Variants in WDR19 observed in about 807,000 individuals in gnomAD.
WDR19 encodes WD repeat-containing protein 19.
A neutral mutation model predicts 180.0 loss-of-function variants in WDR19; 121 were observed. The observed-to-expected ratio is 0.67, with a 90% confidence interval of 0.58 to 0.78. WDR19 has a LOEUF of 0.78. WDR19 is among the 30% of genes least tolerant of loss of function. WDR19 has a pLI of 0.00. For synonymous variants in WDR19, 497 were observed against 540.7 expected, an observed-to-expected ratio of 0.92 and a Z score of 1.12; for missense variants, 1,450 against 1,640.7, an observed-to-expected ratio of 0.88 and a Z score of 2.01.
chr4:39,210,098 A>G (rs1728338446), intron 9 of WDR19, among the ~76,000 whole-genome samples: 1 of 152,230 alleles, frequency 6.6e-6, no homozygotes, highest in South Asian at 2.1e-4. Flanking sequence ...CAAACACTTG[A>G]GAAAGGATTA....
In WDR19 at chr4:39,270,042, A is replaced by G; in HGVS notation, c.3425A>G (p.Lys1142Arg). The G allele has an allele frequency of 1.2e-6, 2 of 1,613,892 alleles. No individual in the cohort carries two copies. The highest frequency in any genetic ancestry group is 1.7e-6 in the Non-Finnish European group (2 of 1,179,836). ...MYAELKSQKI[K>R]IPSEMATNLM... The stretch of plus-strand genomic sequence containing the variant: ...GCAGAACTGAAATCCCAGAAGATCA[A>G]AATTCCCTCCGAGATGGCCACCAAC... Residue 1142 changes from lysine (K) to arginine (R), a missense_variant, in exon 31 of 37, where the codon AAA becomes AGA. Lys to Arg is a conservative substitution (Grantham distance 26). Coordinates refer to ENST00000399820, the MANE Select transcript of WDR19 (RefSeq NM_025132.4).
At chr4:39,252,240 C>G (rs1733285444) in intron 24 of WDR19, among the ~76,000 whole-genome samples, 1 of 151,390 alleles carries the variant, frequency 6.6e-6, no homozygotes, top group South Asian at 2.1e-4. Flanking sequence ...CCATCATTCT[C>G]AGCAAACTAT....
chr4:39,206,903 A>T (rs1392781702), intron 9 of WDR19, among the ~76,000 whole-genome samples: 1 of 152,202 alleles, frequency 6.6e-6, no homozygotes, highest in Non-Finnish European at 1.5e-5. Flanking sequence ...AAACAAAAAT[A>T]TTAACCTTCT....
intron 24 of WDR19, among the ~76,000 whole-genome samples, chr4:39,250,639 G>C (rs905501574): frequency 4.6e-5 from 7 of 152,182 alleles, no homozygotes; most frequent in Non-Finnish European, 1.0e-4. Flanking sequence ...TCCTTAAGCT[G>C]ATAAGCAACT....
chr4:39,256,595 A>C (rs1317814667), intron 27 of WDR19, among the ~76,000 whole-genome samples: 2 of 152,098 alleles, frequency 1.3e-5, no homozygotes, highest in African/African-American at 4.8e-5. Flanking sequence ...AGAATACCTC[A>C]CTGGCCAAAA....
chr4:39,242,108 C>T (rs1577970041), intron 21 of WDR19, among the ~76,000 whole-genome samples: 1 of 151,952 alleles, frequency 6.6e-6, no homozygotes, highest in South Asian at 2.1e-4. Flanking sequence ...ATTCTGTTGC[C>T]CACACTGGGG....
At position 39,224,887 on chromosome 4, in the gene WDR19, G is replaced by C. The variant is rs1215108056; in HGVS notation, c.1483G>C (p.Gly495Arg). Residue 495 changes from glycine to arginine, a missense_variant, in exon 15 of 37, where the codon GGT becomes CGT. Gly to Arg is a moderately radical substitution (Grantham distance 125). Transcript: ENST00000399820. ...CTGGATTTTTTTTTTTTTTTAGACT[G>C]GTGTCGTTCAGTATTTCTACATTGA... The part of the protein sequence containing the change: ...SDFLIYGTDT[G>R]VVQYFYIEDW... The C allele has an allele frequency of 2.7e-6, 4 of 1,472,178 alleles. No homozygotes were observed. The highest frequency in any genetic ancestry group is 5.2e-5 in the East Asian group (2 of 38,444). The allele number at this position is 1,472,178 out of a possible 1,614,324, so 91.2% of individuals were successfully genotyped here.
At chr4:39,278,389 A>G (rs1454243085) in intron 35 of WDR19, 150 bp from the exon 36 acceptor site, 1 of 800,324 alleles carries the variant, frequency 1.2e-6, no homozygotes, top group East Asian at 2.7e-5. Flanking sequence ...AGGATCTTGC[A>G]TGAGACTGAA....
chr4:39,222,256 G>A (rs936165842), intron 14 of WDR19, among the ~76,000 whole-genome samples: 2 of 152,100 alleles, frequency 1.3e-5, no homozygotes, highest in African/African-American at 4.8e-5. Flanking sequence ...ACCAATTTTT[G>A]ATTGAGTTGT....
At chr4:39,222,455 T>C (rs1033565328) in intron 14 of WDR19, among the ~76,000 whole-genome samples, 5 of 152,200 alleles carry the variant, frequency 3.3e-5, no homozygotes, top group African/African-American at 1.2e-4. Flanking sequence ...TCATGGATCA[T>C]GCTTTTGGTG....
At chr4:39,228,101 T>C (rs1730464310) in intron 15 of WDR19, 109 bp from the exon 16 acceptor site, 2 of 1,197,964 alleles carry the variant, frequency 1.7e-6, no homozygotes, top group Non-Finnish European at 1.2e-6. Context: ...TTAGGTTGAA[T>C]ATGACTCAGT....
rs573159129 is a variant in WDR19, at chr4:39,211,700, C to T, written c.891-2901C>T. 2.0e-5 allele frequency among the ~76,000 whole-genome samples: 3 copies of T among 152,202 alleles called. No homozygotes were observed. The East Asian group carries it at 5.8e-4, about 29-fold the overall frequency. On this transcript the variant is annotated intron_variant, in intron 9 of 36. Transcript: ENST00000399820. ...AAAGAAACTGAACTGCTTAAGTATA[C>T]CTCTAACAAAACCTGTACAGTGTCT...
intron 1 of WDR19, among the ~76,000 whole-genome samples, chr4:39,183,424 T>G (rs1022654081): frequency 6.6e-5 from 10 of 152,026 alleles, no homozygotes; most frequent in African/African-American, 2.2e-4. Context: ...TAATTTTTTG[T>G]ATTTTTAGTA....
intron 24 of WDR19, among the ~76,000 whole-genome samples, chr4:39,248,917 ACC>A (rs1732824358): frequency 6.6e-6 from 1 of 152,140 alleles, no homozygotes; most frequent in Non-Finnish European, 1.5e-5. Flanking sequence ...AGACTTTAAC[ACC>A]CCACTGTCAA....
chr4:39,205,465 T>C, intron 8 of WDR19, 98 bp from the exon 9 acceptor site: 26 of 1,338,046 alleles, frequency 1.9e-5, no homozygotes, highest in Non-Finnish European at 2.6e-5. Flanking sequence ...ATAAATTATA[T>C]TCTATAATTC....
At chr4:39,268,766 G>C (rs1228360358) in intron 30 of WDR19, among the ~76,000 whole-genome samples, 5 of 152,172 alleles carry the variant, frequency 3.3e-5, no homozygotes, top group African/African-American at 9.7e-5. Context: ...AGAGAGAACT[G>C]AGCCACAGTT....
intron 28 of WDR19, 110 bp from the exon 29 acceptor site, chr4:39,265,953 T>C: frequency 1.1e-6 from 1 of 872,548 alleles, no homozygotes; most frequent in East Asian, 2.7e-5. Context: ...TTACTATAGA[T>C]ACTATTAATG....
At chr4:39,273,146 C>A in intron 32 of WDR19, 85 bp downstream of exon 32, 1 of 999,540 alleles carries the variant, frequency 1.0e-6, no homozygotes, top group Non-Finnish European at 1.5e-6. Flanking sequence ...AGGCTCCCCT[C>A]ATACACTAAC....
chr4:39,207,159 C>A (rs1179398311), intron 9 of WDR19, among the ~76,000 whole-genome samples: 1 of 151,904 alleles, frequency 6.6e-6, no homozygotes, highest in Non-Finnish European at 1.5e-5. Flanking sequence ...TAAAGAAGAA[C>A]CAAATGGAAA....
Sources: allele counts gnomAD v4.1 joint callset (sites outside exome capture counted in the v4.1 genomes callset), GRCh38; gene constraint gnomAD v4.1.1; transcripts MANE v1.5; gene names NCBI Gene and HGNC (gene_info 2026-07-23, HGNC 2026-07-21).